CFAP44: variants seen among roughly 807,000 people sequenced by gnomAD.
The protein encoded by CFAP44 is cilia- and flagella-associated protein 44.
CFAP44 carries 134 observed loss-of-function variants against 216.2 expected under a neutral mutation model. That is an observed-to-expected ratio of 0.62 (90% CI 0.54 to 0.72). The LOEUF is 0.72. CFAP44 is among the 30% of genes least tolerant of loss of function. CFAP44 has a pLI of 0.00. For synonymous variants in CFAP44, 700 were observed against 727.6 expected (o/e 0.96, Z 0.61); for missense variants, 2,035 against 2,182.1 (o/e 0.93, Z 1.34).
intron 19 of CFAP44, 83 bp from the exon 20 acceptor site, chr3:113,363,615 A>T: frequency 8.0e-7 from 1 of 1,252,628 alleles, no homozygotes; most frequent in South Asian, 1.9e-5. Context: ...TAAATTAAAA[A>T]CTCAAATTGG....
In CFAP44 at chr3:113,426,355, T is replaced by A; in HGVS notation, c.254-78A>T. On this transcript the variant is annotated intron_variant, in intron 3 of 34. Coordinates refer to ENST00000393845, the MANE Select transcript of CFAP44 (RefSeq NM_001164496.2). Reference sequence around the variant, plus strand: ...CCCAAATCTCAACTTGAATTGTAGTTCCCATAATCTCCACATGTCATGGGA... The same window carrying A: ...CCCAAATCTCAACTTGAATTGTAGTACCCATAATCTCCACATGTCATGGGA... The A allele has an allele frequency of 5.4e-6, 8 of 1,477,444 alleles. No homozygotes were observed. In the South Asian group the frequency reaches 1.0e-4, roughly 19 times the overall value. The allele number at this position is 1,477,444 out of a possible 1,614,324, so 91.5% of individuals were successfully genotyped here.
chr3:113,421,814 G>A (rs915974647), intron 4 of CFAP44, among the ~76,000 whole-genome samples: 18 of 138,780 alleles, frequency 1.3e-4, no homozygotes, highest in South Asian at 5.3e-4. Flanking sequence ...AGACAGGAAC[G>A]ACAGACACTA....
At chr3:113,352,706 A>T (rs976432519) in intron 22 of CFAP44, among the ~76,000 whole-genome samples, 1 of 152,230 alleles carries the variant, frequency 6.6e-6, no homozygotes, top group African/African-American at 2.4e-5. Flanking sequence ...AAAAATGAAC[A>T]AGAAATCTAA....
Position 113,401,242 on chromosome 3 carries a change from T to C in CFAP44, c.1372A>G (p.Ile458Val). ...AATAAGAATAATAGGCAACTTACAA[T>C]ATTTGAAAAACTAAGGTCAAGCTTC... is the stretch of plus-strand genomic sequence containing the variant. ...IWKLDLSFSN[I>V]TQDPECLFSF... The change falls in exon 11 of 35, where the codon ATT becomes GTT. Residue 458 changes from isoleucine to valine, a missense_variant and splice_region_variant. Transcript: ENST00000393845. 6.3e-7 allele frequency: 1 copy of C among 1,586,022 alleles called. No homozygotes were observed. Among genetic ancestry groups the C allele is most frequent in the Non-Finnish European group, 8.5e-7 (1 of 1,171,096 alleles).
rs76229920 is a variant in CFAP44 at position 113,400,898 on chromosome 3, T to C, written c.1375-254A>G. ...ATGCCAGTTTCCATTTCTTCATCTG[T>C]AAAATGAGATGGTAACAGCTGCTTG... On this transcript the variant is annotated intron_variant, in intron 11 of 34. Transcript: ENST00000393845. 5.9e-3 allele frequency among the ~76,000 whole-genome samples: 901 copies of C among 152,126 alleles called. 8 individuals carry two copies. The highest frequency in any genetic ancestry group is 0.021 in the African/African-American group (856 of 41,478).
intron 9 of CFAP44, among the ~76,000 whole-genome samples, chr3:113,402,865 A>G (rs988679192): frequency 6.6e-6 from 1 of 152,308 alleles, no homozygotes; most frequent in Non-Finnish European, 1.5e-5. Context: ...GGTAACGTAT[A>G]TCTTGGAAAG....
intron 13 of CFAP44, among the ~76,000 whole-genome samples, chr3:113,398,933 A>G (rs1934063427): frequency 1.3e-5 from 2 of 152,150 alleles, no homozygotes; most frequent in Admixed American, 1.3e-4. Flanking sequence ...CACCCAATCA[A>G]GTATGGTAGA....
intron 5 of CFAP44, among the ~76,000 whole-genome samples, chr3:113,419,226 C>A (rs1226673655): frequency 1.3e-5 from 2 of 152,190 alleles, no homozygotes; most frequent in Non-Finnish European, 2.9e-5. Flanking sequence ...AAATCCACGA[C>A]CCTTACATTG....
intron 6 of CFAP44, among the ~76,000 whole-genome samples, chr3:113,411,615 T>A (rs867940667): frequency 2.0e-5 from 3 of 152,314 alleles, no homozygotes; most frequent in Non-Finnish European, 2.9e-5. Context: ...CTTAGGATTG[T>A]CTTGGCAATG....
chr3:113,402,409 G>A (rs964384634), intron 9 of CFAP44, among the ~76,000 whole-genome samples: 1 of 152,176 alleles, frequency 6.6e-6, no homozygotes, highest in African/African-American at 2.4e-5. Flanking sequence ...GAATACTATA[G>A]GAAGAGTGAA....
intron 24 of CFAP44, 149 bp from the exon 25 acceptor site, chr3:113,333,732 C>A: frequency 1.1e-6 from 1 of 935,332 alleles, no homozygotes; most frequent in Admixed American, 3.3e-5. Flanking sequence ...AGAGCCCAAG[C>A]ATTTTTTAAA....
chr3:113,400,120 TTTC>T (rs1330809319), intron 12 of CFAP44, 120 bp from the exon 13 acceptor site: 1 of 612,324 alleles, frequency 1.6e-6, no homozygotes, highest in Non-Finnish European at 2.6e-6. Flanking sequence ...AGTCAATAAC[TTTC>T]TTTTGTAAAA....
intron 34 of CFAP44, chr3:113,294,240 A>G: frequency 3.8e-6 from 1 of 263,944 alleles, no homozygotes. Flanking sequence ...CTGGCTAAAT[A>G]TTATGTAATA....
chr3:113,294,686 C>G lies in CFAP44; in HGVS notation c.5373+1G>C. ...AAAGGGTCTGAAGGTAAAGAACATACCTGCTGATTCTGTAGTGTATTCAAC... is the reference window on the plus strand; with the variant it reads ...AAAGGGTCTGAAGGTAAAGAACATAGCTGCTGATTCTGTAGTGTATTCAAC... On this transcript the variant is annotated splice_donor_variant, in intron 34 of 34. Coordinates refer to ENST00000393845, the MANE Select transcript of CFAP44 (RefSeq NM_001164496.2). LOFTEE classifies it high-confidence loss of function. 6.6e-7 allele frequency: 1 copy of G among 1,524,154 alleles called. No individual in the cohort carries two copies. The highest frequency in any genetic ancestry group is 8.7e-7 in the Non-Finnish European group (1 of 1,143,086). The allele number at this position is 1,524,154 out of a possible 1,614,324, so 94.4% of individuals were successfully genotyped here.
At chr3:113,304,951 T>C (rs1949971142) in intron 31 of CFAP44, 85 bp downstream of exon 31, 1 of 1,203,348 alleles carries the variant, frequency 8.3e-7, no homozygotes, top group African/African-American at 1.5e-5. Flanking sequence ...TTCTCCCCAT[T>C]AGTGAACTAT....
chr3:113,392,758 G>A (rs986024736), intron 15 of CFAP44, among the ~76,000 whole-genome samples: 5 of 152,158 alleles, frequency 3.3e-5, no homozygotes, highest in Non-Finnish European at 7.3e-5. Context: ...TGGCTTTAGT[G>A]ACAGGGAAAA....
intron 6 of CFAP44, among the ~76,000 whole-genome samples, chr3:113,415,020 A>G (rs1934606117): frequency 6.6e-6 from 1 of 151,982 alleles, no homozygotes; most frequent in Non-Finnish European, 1.5e-5. Context: ...TAGGCTATTA[A>G]TTACTGCCTC....
intron 9 of CFAP44, 103 bp downstream of exon 9, chr3:113,403,749 A>G (rs1934201828): frequency 7.6e-7 from 1 of 1,311,152 alleles, no homozygotes; most frequent in Non-Finnish European, 1.0e-6. Flanking sequence ...GTAAATGACT[A>G]CTGATCTCCT....
chr3:113,419,564 A>G (rs1934751379), intron 5 of CFAP44, among the ~76,000 whole-genome samples: 1 of 152,186 alleles, frequency 6.6e-6, no homozygotes, highest in Non-Finnish European at 1.5e-5. Context: ...CTTTCACTCC[A>G]TATATCTCAA....
Sources: gnomAD v4.1 joint callset for allele counts (sites outside exome capture counted in the v4.1 genomes callset) on GRCh38, gnomAD v4.1.1 for gene constraint, MANE v1.5 for transcripts, NCBI Gene and HGNC (gene_info 2026-07-23, HGNC 2026-07-21) for gene names.